The following TFEC variants were observed in gnomAD, a reference collection of about 807,000 sequenced individuals.
TFEC encodes the protein transcription factor EC, also known as class E basic helix-loop-helix protein 34.
A neutral mutation model predicts 41.6 loss-of-function variants in TFEC; 31 were observed. The observed-to-expected ratio is 0.74, with a 90% CI of 0.56 to 1.01. The LOEUF (loss-of-function observed/expected upper bound fraction) is 1.01, where lower values mean the gene tolerates loss of function less well. Among genes scored for constraint, TFEC ranks in the 50% least tolerant of loss-of-function variants. The pLI is 0.00. For synonymous variants in TFEC, 143 were observed against 140.6 expected, an observed-to-expected ratio of 1.02 and a Z score of -0.12; for missense variants, 402 against 404.1, an observed-to-expected ratio of 0.99 and a Z score of 0.04.
At position 115,984,394 on chromosome 7, in the gene TFEC, T is replaced by A. The variant is rs768664218; in HGVS notation, c.48A>T (p.Gln16His). The A allele has an allele frequency of 6.2e-7, 1 of 1,614,150 alleles. No individual in the cohort carries two copies. Among genetic ancestry groups the A allele is most frequent in the Admixed American group, 1.7e-5 (1 of 60,008 alleles). ...QIINPTLKWS[Q>H]PAVPSGGPLV... Reference sequence around the variant, plus strand: ...GAGGCCCACCACTTGGCACTGCAGGTTGTGACCATTTAAGAGTTGGATTGA... The same window carrying A: ...GAGGCCCACCACTTGGCACTGCAGGATGTGACCATTTAAGAGTTGGATTGA... Residue 16 changes from glutamine to histidine, a missense_variant, in exon 2 of 8, where the codon CAA (glutamine) becomes CAT (histidine). Physicochemically the swap from Gln to His is conservative, Grantham distance 24 (BLOSUM62 0). Coordinates refer to ENST00000265440, the MANE Select transcript of TFEC (RefSeq NM_012252.4).
chr7:116,001,713 C>G (rs1364535447), intron 1 of TFEC, among the ~76,000 whole-genome samples: 2 of 151,900 alleles, frequency 1.3e-5, no homozygotes, highest in East Asian at 3.9e-4. Flanking sequence ...AAGAGACAAC[C>G]CATTGAATGG....
At chr7:116,006,605 A>G (rs1794800303) in intron 1 of TFEC, among the ~76,000 whole-genome samples, 1 of 152,090 alleles carries the variant, frequency 6.6e-6, no homozygotes, top group African/African-American at 2.4e-5. Flanking sequence ...AGGCGAAGGG[A>G]CTTGGCTTGT....
intron 1 of TFEC, among the ~76,000 whole-genome samples, chr7:115,992,455 G>T (rs886826445): frequency 1.4e-4 from 21 of 152,054 alleles, no homozygotes; most frequent in Non-Finnish European, 1.5e-5. Context: ...TTGATAGACC[G>T]CTAGCAAGAC....
At chr7:116,157,039 A>C (rs1798884453) in intron 1 of TFEC, among the ~76,000 whole-genome samples, 1 of 152,290 alleles carries the variant, frequency 6.6e-6, no homozygotes, top group East Asian at 1.9e-4. Context: ...TGGACTTCCA[A>C]TCACAGCAAG....
At chr7:116,106,858 C>T (rs1797730247) in intron 3 of TFEC, among the ~76,000 whole-genome samples, 1 of 152,218 alleles carries the variant, frequency 6.6e-6, no homozygotes, top group Non-Finnish European at 1.5e-5. Context: ...TGTCTGTTTA[C>T]ATATCACTTT....
intron 3 of TFEC, among the ~76,000 whole-genome samples, chr7:116,043,654 T>A (rs1796091991): frequency 6.6e-6 from 1 of 152,178 alleles, no homozygotes; most frequent in Non-Finnish European, 1.5e-5. Flanking sequence ...AAAAGCAGTA[T>A]AGCTGTACCT....
At chr7:115,941,579 T>C (rs1793501811) in intron 7 of TFEC, 2 of 330,568 alleles carry the variant, frequency 6.1e-6, no homozygotes, top group African/African-American at 4.2e-5. Context: ...TGAGTTATAT[T>C]TTATGCATTT....
chr7:116,000,925 T>C (rs1794567519), intron 1 of TFEC, among the ~76,000 whole-genome samples: 1 of 150,690 alleles, frequency 6.6e-6, no homozygotes, highest in East Asian at 1.9e-4. Flanking sequence ...ACTAATGACA[T>C]TCTTCACAGA....
chr7:116,051,758 A>T (rs2130957954), intron 3 of TFEC, among the ~76,000 whole-genome samples: 1 of 152,260 alleles, frequency 6.6e-6, no homozygotes, highest in South Asian at 2.1e-4. Context: ...CATTTATTGA[A>T]TATTTATATC....
At chr7:116,017,422 C>T (rs532374893) in intron 1 of TFEC, among the ~76,000 whole-genome samples, 77 of 152,204 alleles carry the variant, frequency 5.1e-4, no homozygotes, top group African/African-American at 1.8e-3. Flanking sequence ...TGGAGTTTCC[C>T]CATATTGGCC....
intron 3 of TFEC, among the ~76,000 whole-genome samples, chr7:116,050,783 C>T (rs1178173220): frequency 6.6e-6 from 1 of 152,190 alleles, no homozygotes; most frequent in Non-Finnish European, 1.5e-5. Flanking sequence ...TTGACCCAGC[C>T]ATCCCATTAC....
chr7:115,982,609 G>A (rs923902852), intron 2 of TFEC, among the ~76,000 whole-genome samples: 18 of 152,058 alleles, frequency 1.2e-4, no homozygotes, highest in African/African-American at 4.1e-4. Context: ...ATGATGGTTG[G>A]GAGATACTTT....
intron 2 of TFEC, among the ~76,000 whole-genome samples, chr7:115,977,966 T>C (rs979727590): frequency 6.6e-6 from 1 of 151,574 alleles, no homozygotes; most frequent in Non-Finnish European, 1.5e-5. Flanking sequence ...AGATAAAAAC[T>C]GACCAATGGA....
At chr7:116,088,168 G>A (rs1335719795) in intron 3 of TFEC, among the ~76,000 whole-genome samples, 1 of 151,976 alleles carries the variant, frequency 6.6e-6, no homozygotes, top group Non-Finnish European at 1.5e-5. Context: ...ATCAGCCTAG[G>A]GGATAACTTG....
intron 1 of TFEC, among the ~76,000 whole-genome samples, chr7:115,988,555 A>C (rs1225389881): frequency 6.6e-6 from 1 of 152,112 alleles, no homozygotes; most frequent in Non-Finnish European, 1.5e-5. Context: ...AAAAAAAGAA[A>C]CAAAAAAGAA....
intron 3 of TFEC, among the ~76,000 whole-genome samples, chr7:116,086,143 T>A (rs1797198703): frequency 6.6e-6 from 1 of 151,870 alleles, no homozygotes; most frequent in Non-Finnish European, 1.5e-5. Flanking sequence ...TGATAATTTT[T>A]AAAAAGTATT....
intron 3 of TFEC, among the ~76,000 whole-genome samples, chr7:116,082,451 T>G (rs1483857382): frequency 1.3e-5 from 2 of 152,056 alleles, no homozygotes; most frequent in African/African-American, 2.4e-5. Context: ...TTTGCCAATA[T>G]TGTGTATTAA....
chr7:115,988,844 T>A (rs996135092), intron 1 of TFEC, among the ~76,000 whole-genome samples: 1 of 151,804 alleles, frequency 6.6e-6, no homozygotes, highest in African/African-American at 2.4e-5. Flanking sequence ...AAAAAAACTC[T>A]GGAAAAAAAA....
At chr7:116,097,988 T>G (rs1273766271) in intron 3 of TFEC, among the ~76,000 whole-genome samples, 2 of 152,112 alleles carry the variant, frequency 1.3e-5, no homozygotes, top group Non-Finnish European at 1.5e-5. Flanking sequence ...CAGACTTAAC[T>G]CTTCACATAT....
Sources: gnomAD v4.1 joint callset for allele counts (sites outside exome capture counted in the v4.1 genomes callset) on GRCh38, gnomAD v4.1.1 for gene constraint, MANE v1.5 for transcripts, NCBI Gene and HGNC (gene_info 2026-07-23, HGNC 2026-07-21) for gene names.